Variants in VAV3 observed in about 807,000 individuals in gnomAD.
VAV3 encodes the protein guanine nucleotide exchange factor VAV3.
VAV3 carries 94 observed loss-of-function variants against 131.2 expected under a neutral mutation model. The ratio of observed to expected loss-of-function variants is 0.72; its 90% CI spans 0.61 to 0.85. The LOEUF (loss-of-function observed/expected upper bound fraction) is 0.85, where lower values mean the gene tolerates loss of function less well. Ranked by LOEUF, VAV3 falls within the 40% of genes least tolerant of loss-of-function variation. The pLI, the probability that VAV3 is intolerant of heterozygous loss-of-function variation, is 0.00. For missense variants in VAV3, 939 were observed against 1,002.7 expected (o/e 0.94, Z 0.86); for synonymous variants, 349 against 342.0 (o/e 1.02, Z -0.22).
chr1:107,636,523 T>C (rs1654941887), intron 20 of VAV3, among the ~76,000 whole-genome samples: 1 of 152,170 alleles, frequency 6.6e-6, no homozygotes, highest in East Asian at 1.9e-4. Flanking sequence ...CATCATAGCT[T>C]AGCCTAGCCT....
chr1:107,877,721 T>C (rs1183882475), intron 1 of VAV3, among the ~76,000 whole-genome samples: 1 of 152,212 alleles, frequency 6.6e-6, no homozygotes, highest in African/African-American at 2.4e-5. Context: ...TTTTCAGTTT[T>C]TGAATTCCTA....
At chr1:107,871,137 A>G (rs893206501) in intron 2 of VAV3, among the ~76,000 whole-genome samples, 4 of 152,208 alleles carry the variant, frequency 2.6e-5, no homozygotes, top group African/African-American at 4.8e-5. Context: ...TACTGTCATG[A>G]TGTCAAAAAA....
intron 10 of VAV3, among the ~76,000 whole-genome samples, 155 bp from the exon 11 acceptor site, chr1:107,757,484 A>G (rs982428559): frequency 2.0e-5 from 3 of 152,172 alleles, no homozygotes; most frequent in African/African-American, 7.2e-5. Flanking sequence ...AAAAATTTCA[A>G]ACTGTAAGAA....
rs532433338 is a variant in VAV3 at position 107,736,887 on chromosome 1, G to A, written c.1502+12081C>T. On this transcript the variant is annotated intron_variant, in intron 15 of 26. Coordinates refer to ENST00000370056, the MANE Select transcript of VAV3 (RefSeq NM_006113.5). ...TTCATATGGAAACAAAAAAGAGCCC[G>A]CATTGCCAAGACAATCCTAAACAAA... Among the ~76,000 whole-genome samples, 5 of 152,186 alleles carry A rather than the reference G, an allele frequency of 3.3e-5. No homozygotes were observed. In the South Asian group the frequency reaches 6.2e-4, roughly 19 times the overall value.
chr1:107,748,892 A>C (rs910097017), intron 15 of VAV3, 76 bp downstream of exon 15: 11 of 1,090,510 alleles, frequency 1.0e-5, no homozygotes, highest in Non-Finnish European at 1.5e-5. Context: ...ATTAGAGTAC[A>C]CTTATTGGTT....
chr1:107,704,968 C>G lies in VAV3; in HGVS notation c.1596G>C (p.Met532Ile). The change falls in exon 16 of 27, where the codon ATG becomes ATC. Residue 532 changes from methionine to isoleucine, a missense_variant. Met to Ile is a conservative substitution (Grantham distance 10). Transcript: ENST00000370056. ...TRVTSCKVCQ[M>I]LLRGTFYQGY... is the part of the protein sequence containing the mutation. ...GGACTGAGCAGGCTTACCTCAGGAGCATCTGGCAGACTTTGCAGGATGTGA... is the reference window on the plus strand; with the variant it reads ...GGACTGAGCAGGCTTACCTCAGGAGGATCTGGCAGACTTTGCAGGATGTGA... 2 of 1,613,640 alleles carry G rather than the reference C, an allele frequency of 1.2e-6. No homozygotes were observed. The highest frequency in any genetic ancestry group is 1.7e-6 in the Non-Finnish European group (2 of 1,179,754).
intron 2 of VAV3, among the ~76,000 whole-genome samples, chr1:107,805,231 T>C (rs1005298631): frequency 6.6e-6 from 1 of 152,186 alleles, no homozygotes; most frequent in African/African-American, 2.4e-5. Flanking sequence ...GTCTACTGTT[T>C]CTTTGAATAA....
chr1:107,605,055 T>C (rs2101117117), intron 22 of VAV3, among the ~76,000 whole-genome samples: 1 of 152,314 alleles, frequency 6.6e-6, no homozygotes, highest in East Asian at 1.9e-4. Flanking sequence ...TCTGGCCTAG[T>C]TTTGGCAGGG....
chr1:107,891,225 A>G (rs1160876140), intron 1 of VAV3, among the ~76,000 whole-genome samples: 1 of 151,962 alleles, frequency 6.6e-6, no homozygotes, highest in Admixed American at 6.6e-5. Flanking sequence ...AGTATTCCTC[A>G]TTCTTCACGC....
At chr1:107,662,666 T>C (rs1657108502) in intron 19 of VAV3, among the ~76,000 whole-genome samples, 1 of 152,230 alleles carries the variant, frequency 6.6e-6, no homozygotes, top group Non-Finnish European at 1.5e-5. Context: ...GCTGACGTTT[T>C]AGCAAGAACA....
chr1:107,678,891 T>C (rs1035522194), intron 19 of VAV3, among the ~76,000 whole-genome samples: 4 of 152,098 alleles, frequency 2.6e-5, no homozygotes, highest in Non-Finnish European at 4.4e-5. Context: ...CTGCTATACG[T>C]AATAAATCTG....
At position 107,679,020 on chromosome 1, in the gene VAV3, C is replaced by T. The variant is rs149339144; in HGVS notation, c.1777+4468G>A. Among the ~76,000 whole-genome samples the T allele has an allele frequency of 7.9e-5, 12 of 152,088 alleles. 1 individual carries two copies. Among genetic ancestry groups the T allele is most frequent in the South Asian group, 6.2e-4 (3 of 4,824 alleles). On this transcript the variant is annotated intron_variant, in intron 19 of 26. Transcript: ENST00000370056. ...TCCTAGGAAGAATATAAATTCTTTG[C>T]GGAAAGGGGCCATGTTTTATAATTA... is the stretch of plus-strand genomic sequence containing the variant.
At chr1:107,863,345 C>T (rs574905482) in intron 2 of VAV3, among the ~76,000 whole-genome samples, 19 of 152,164 alleles carry the variant, frequency 1.2e-4, no homozygotes, top group Non-Finnish European at 2.6e-4. Flanking sequence ...TCTGCTCCTC[C>T]TACCACTGGC....
intron 2 of VAV3, among the ~76,000 whole-genome samples, chr1:107,836,077 T>C (rs2102401535): frequency 6.6e-6 from 1 of 152,242 alleles, no homozygotes; most frequent in Middle Eastern, 3.4e-3. Context: ...CACAAAATAA[T>C]AGTGAAAGAT....
At chr1:107,733,277 G>A (rs909451502) in intron 15 of VAV3, among the ~76,000 whole-genome samples, 1 of 152,220 alleles carries the variant, frequency 6.6e-6, no homozygotes, top group Non-Finnish European at 1.5e-5. Context: ...CCACAAAGAT[G>A]AGGAGACACC....
chr1:107,866,396 T>C (rs906496221), intron 2 of VAV3, among the ~76,000 whole-genome samples: 3 of 152,128 alleles, frequency 2.0e-5, no homozygotes, highest in African/African-American at 7.2e-5. Context: ...TCTACATTTT[T>C]GGAAGATTAT....
rs530053238 is a variant in VAV3 at position 107,688,841 on chromosome 1, A to G, written c.1706-435T>C. ...GATTTGTAACAATAGCAAATTATAC[A>G]TAGTACAACATTTCGTGTGAATTGT... On this transcript the variant is annotated intron_variant, in intron 17 of 26. Coordinates refer to ENST00000370056, the MANE Select transcript of VAV3 (RefSeq NM_006113.5). Among the ~76,000 whole-genome samples the G allele has an allele frequency of 2.6e-5, 4 of 152,316 alleles. No homozygotes were observed. In the South Asian group the frequency reaches 6.2e-4, roughly 24 times the overall value.
intron 15 of VAV3, among the ~76,000 whole-genome samples, chr1:107,743,366 A>G (rs1450902506): frequency 6.6e-6 from 1 of 152,142 alleles, no homozygotes; most frequent in African/African-American, 2.4e-5. Flanking sequence ...GAGACTGGTG[A>G]GAGATTGATT....
intron 2 of VAV3, among the ~76,000 whole-genome samples, chr1:107,801,505 T>C (rs1027363227): frequency 2.0e-5 from 3 of 152,258 alleles, no homozygotes; most frequent in African/African-American, 7.2e-5. Flanking sequence ...AATTAATAGG[T>C]AGATGAGATG....
Sources: gnomAD v4.1 joint callset for allele counts (sites outside exome capture counted in the v4.1 genomes callset) on GRCh38, gnomAD v4.1.1 for gene constraint, MANE v1.5 for transcripts, NCBI Gene and HGNC (gene_info 2026-07-23, HGNC 2026-07-21) for gene names.